Variants in WNT7A observed in about 807,000 individuals in gnomAD.
WNT7A encodes protein Wnt-7a.
Under a neutral mutation model 28.2 loss-of-function variants are expected in WNT7A, and 16 were observed. That is an observed-to-expected ratio of 0.57 (90% CI 0.38 to 0.86). The LOEUF (loss-of-function observed/expected upper bound fraction) is 0.86, where lower values mean the gene tolerates loss of function less well. WNT7A is among the 40% of genes least tolerant of loss of function. The pLI is 0.00. For synonymous variants in WNT7A, 190 were observed against 195.9 expected (o/e 0.97, Z 0.25); for missense variants, 411 against 489.7 (o/e 0.84, Z 1.52).
At chr3:13,877,515 G>A (rs1409238645) in intron 1 of WNT7A, among the ~76,000 whole-genome samples, 1 of 152,256 alleles carries the variant, frequency 6.6e-6, no homozygotes, top group Non-Finnish European at 1.5e-5. Context: ...CCAGCTGAGA[G>A]TGGATAGGTT....
intron 3 of WNT7A, among the ~76,000 whole-genome samples, chr3:13,840,625 C>T (rs1694442016): frequency 6.6e-6 from 1 of 151,978 alleles, no homozygotes; most frequent in Non-Finnish European, 1.5e-5. Context: ...TCCATCCATC[C>T]ATCCACCCAT....
At chr3:13,873,840 T>C in intron 2 of WNT7A, among the ~76,000 whole-genome samples, 1 of 151,824 alleles carries the variant, frequency 6.6e-6, no homozygotes, top group East Asian at 1.9e-4. Context: ...TGTGGTGTGT[T>C]TGGGAAAAAG....
At chr3:13,835,426 TG>T (rs1483239713) in intron 3 of WNT7A, among the ~76,000 whole-genome samples, 2 of 152,200 alleles carry the variant, frequency 1.3e-5, no homozygotes, top group Admixed American at 6.5e-5. Context: ...TGAACCCCTT[TG>T]GTGGTAAATC....
intron 1 of WNT7A, among the ~76,000 whole-genome samples, chr3:13,876,291 A>G (rs1418935459): frequency 6.6e-6 from 1 of 152,230 alleles, no homozygotes; most frequent in South Asian, 2.1e-4. Context: ...CTACAAAGCC[A>G]GGGCTTGAGA....
intron 3 of WNT7A, among the ~76,000 whole-genome samples, chr3:13,828,768 C>A (rs1025097962): frequency 6.6e-6 from 1 of 152,212 alleles, no homozygotes; most frequent in Non-Finnish European, 1.5e-5. Flanking sequence ...GTGGTCAGTT[C>A]TGGACTACTT....
chr3:13,819,020 T>G lies in WNT7A; in HGVS notation c.974A>C (p.Asn325Thr). 11 of 1,612,154 alleles carry G rather than the reference T, an allele frequency of 6.8e-6. No individual in the cohort carries two copies. The highest frequency in any genetic ancestry group is 9.3e-6 in the Non-Finnish European group (11 of 1,178,368). The change falls in exon 4 of 4, where the codon AAC (asparagine) becomes ACC (threonine). Residue 325 changes from asparagine to threonine, a missense_variant. Coordinates refer to ENST00000285018, the MANE Select transcript of WNT7A (RefSeq NM_004625.4). Reference protein sequence around the residue: ...THQYARVWQCNCKFHWCCYVK... With the variant: ...THQYARVWQCTCKFHWCCYVK... ...ATAGCAGCACCAGTGGAACTTACAG[T>G]TGCACTGCCACACGCGGGCGTACTG...
At chr3:13,868,670 G>A (rs377198165) in intron 2 of WNT7A, among the ~76,000 whole-genome samples, 14,972 of 18,436 alleles carry the variant, frequency 0.81, 6,892 homozygotes, top group African/African-American at 0.84. Context: ...GAGGGAGTGG[G>A]AGAGAGGGGG....
chr3:13,828,610 G>A (rs1368718169), intron 3 of WNT7A, among the ~76,000 whole-genome samples: 2 of 152,148 alleles, frequency 1.3e-5, no homozygotes, highest in Non-Finnish European at 2.9e-5. Context: ...GCAGGTCTGG[G>A]GAGCCAAGGA....
chr3:13,872,335 T>C (rs1272449592), intron 2 of WNT7A, among the ~76,000 whole-genome samples: 1 of 152,134 alleles, frequency 6.6e-6, no homozygotes, highest in African/African-American at 2.4e-5. Flanking sequence ...ATGCATAATA[T>C]ATGTATATCA....
chr3:13,833,876 A>G (rs1312288658), intron 3 of WNT7A, among the ~76,000 whole-genome samples: 1 of 152,104 alleles, frequency 6.6e-6, no homozygotes, highest in Non-Finnish European at 1.5e-5. Flanking sequence ...TCACCTTTCC[A>G]CCACACGCTA....
At chr3:13,864,961 T>C (rs1694888087) in intron 2 of WNT7A, among the ~76,000 whole-genome samples, 1 of 152,250 alleles carries the variant, frequency 6.6e-6, no homozygotes, top group African/African-American at 2.4e-5. Flanking sequence ...GAAGCGAGGA[T>C]GTGCCTCTTC....
At chr3:13,856,478 C>T (rs373726302) in intron 2 of WNT7A, among the ~76,000 whole-genome samples, 89 of 152,290 alleles carry the variant, frequency 5.8e-4, no homozygotes, top group African/African-American at 1.7e-3. Context: ...TAGCACCTAC[C>T]GGGCTCGCAA....
At chr3:13,826,217 A>C (rs1215079864) in intron 3 of WNT7A, among the ~76,000 whole-genome samples, 5 of 152,234 alleles carry the variant, frequency 3.3e-5, no homozygotes, top group African/African-American at 9.6e-5. Flanking sequence ...CTGAGTTTGC[A>C]GTCCTTGCCA....
chr3:13,868,040 G>T (rs1694939562), intron 2 of WNT7A, among the ~76,000 whole-genome samples: 1 of 152,124 alleles, frequency 6.6e-6, no homozygotes. Flanking sequence ...ATCTCCATAT[G>T]ATACATTAAA....
At chr3:13,857,431 C>T (rs1380262719) in intron 2 of WNT7A, among the ~76,000 whole-genome samples, 4 of 152,146 alleles carry the variant, frequency 2.6e-5, no homozygotes, top group Non-Finnish European at 5.9e-5. Context: ...GCACCTGTCC[C>T]CACCCTCCAG....
At chr3:13,857,711 C>G (rs1694768343) in intron 2 of WNT7A, among the ~76,000 whole-genome samples, 1 of 152,032 alleles carries the variant, frequency 6.6e-6, no homozygotes, top group Non-Finnish European at 1.5e-5. Flanking sequence ...ATCAAACTCA[C>G]AAGAAAACCA....
intron 2 of WNT7A, among the ~76,000 whole-genome samples, chr3:13,874,342 C>T (rs773152085): frequency 1.1e-4 from 16 of 152,184 alleles, no homozygotes; most frequent in African/African-American, 3.9e-4. Context: ...CTTCAGAAGT[C>T]AAATGTGTGG....
At chr3:13,876,783 G>A (rs1040831287) in intron 1 of WNT7A, among the ~76,000 whole-genome samples, 1 of 152,108 alleles carries the variant, frequency 6.6e-6, no homozygotes, top group Non-Finnish European at 1.5e-5. Context: ...CACAAGCTTG[G>A]CTTCTTGCCA....
In WNT7A at chr3:13,819,370, C is replaced by T. The variant is rs143102670; in HGVS notation, c.624G>A (p.Ser208=). 3.1e-4 allele frequency: 503 copies of T among 1,613,260 alleles called. 5 individuals are homozygous for T. The African/African-American group carries it at 6.3e-3, about 20-fold the overall frequency. Residue 208 remains serine (S), a synonymous_variant, in exon 4 of 4, where the codon TCG becomes TCA. Coordinates refer to ENST00000285018, the MANE Select transcript of WNT7A (RefSeq NM_004625.4). ...TGGTCCAGCACGTCTTGGTGGTGCA[C>T]GAGCCTGACACGCCGTGGCACTTAC... ...LECKCHGVSG[S]CTTKTCWTTL...
Sources: allele counts gnomAD v4.1 joint callset (sites outside exome capture counted in the v4.1 genomes callset), GRCh38; gene constraint gnomAD v4.1.1; transcripts MANE v1.5; gene names NCBI Gene and HGNC (gene_info 2026-07-23, HGNC 2026-07-21).